Variants in OSBP2 observed in about 807,000 individuals in gnomAD.
The protein encoded by OSBP2 is oxysterol-binding protein 2.
A neutral mutation model predicts 96.0 loss-of-function variants in OSBP2; 66 were observed. That is an observed-to-expected ratio of 0.69 (90% CI 0.56 to 0.84). OSBP2 has a LOEUF of 0.84. Among genes scored for constraint, OSBP2 ranks in the 40% least tolerant of loss-of-function variants. The pLI is 0.00. For synonymous variants in OSBP2, 525 were observed against 520.9 expected (o/e 1.01, Z -0.11); for missense variants, 1,038 against 1,222.7 (o/e 0.85, Z 2.25).
At chr22:30,860,505 C>T (rs1475841542) in intron 2 of OSBP2, among the ~76,000 whole-genome samples, 10 of 152,342 alleles carry the variant, frequency 6.6e-5, no homozygotes, top group South Asian at 4.1e-4. Context: ...AGGCTCACTT[C>T]GCGCCAGAGG....
chr22:30,896,164 G>A (rs2040063319), intron 12 of OSBP2, among the ~76,000 whole-genome samples: 1 of 151,506 alleles, frequency 6.6e-6, no homozygotes, highest in South Asian at 2.1e-4. Context: ...AGATTACAGG[G>A]GCATGCTACT....
Position 30,778,305 on chromosome 22 carries a change from A to G in OSBP2, c.853+36936A>G, listed in dbSNP as rs866879131. On this transcript the variant is annotated intron_variant, in intron 2 of 13. Coordinates refer to ENST00000332585, the MANE Select transcript of OSBP2 (RefSeq NM_030758.4). The stretch of plus-strand genomic sequence containing the variant: ...GCTCATACTGCCCGTGTGCATGTGC[A>G]CACACACACACACACACACACACAC... Among the ~76,000 whole-genome samples the G allele has an allele frequency of 5.1e-3, 657 of 129,252 alleles. 7 individuals are homozygous for G. Among genetic ancestry groups the G allele is most frequent in the African/African-American group, 0.023 (616 of 27,208 alleles). The allele number at this position is 129,252 out of a possible 152,430, so 84.8% of individuals were successfully genotyped here.
At chr22:30,862,980 A>AAAAG in intron 2 of OSBP2, among the ~76,000 whole-genome samples, 1 of 150,958 alleles carries the variant, frequency 6.6e-6, no homozygotes, top group East Asian at 1.9e-4. Flanking sequence ...AAAAAAAGAA[A>AAAAG]AAAAGAAAAA....
At chr22:30,827,902 A>C (rs2038437131) in intron 2 of OSBP2, among the ~76,000 whole-genome samples, 1 of 152,222 alleles carries the variant, frequency 6.6e-6, no homozygotes, top group African/African-American at 2.4e-5. Context: ...CTGAGGCTCA[A>C]GGAAGAGAGA....
intron 1 of OSBP2, among the ~76,000 whole-genome samples, chr22:30,704,315 G>C (rs185833065): frequency 6.6e-6 from 1 of 152,264 alleles, no homozygotes; most frequent in Admixed American, 6.5e-5. Flanking sequence ...ACAGCTGCAA[G>C]CTTCCAAGGG....
intron 1 of OSBP2, among the ~76,000 whole-genome samples, chr22:30,716,251 A>G (rs1267085017): frequency 6.6e-6 from 1 of 151,770 alleles, no homozygotes; most frequent in Non-Finnish European, 1.5e-5. Flanking sequence ...CATGTTGGCC[A>G]GGCTGGTCTT....
chr22:30,730,800 A>G (rs1569100615), intron 1 of OSBP2, among the ~76,000 whole-genome samples: 1 of 49,856 alleles, frequency 2.0e-5, no homozygotes, highest in African/African-American at 1.1e-4. Flanking sequence ...ATATATATAT[A>G]TATATATAAT....
chr22:30,763,133 T>C (rs77308949), intron 2 of OSBP2, among the ~76,000 whole-genome samples: 4,098 of 152,272 alleles, frequency 0.027, 162 homozygotes, highest in African/African-American at 0.093. Flanking sequence ...TGAGGATTAG[T>C]TTAGATAATG....
intron 2 of OSBP2, among the ~76,000 whole-genome samples, chr22:30,762,417 G>A (rs982118521): frequency 4.0e-5 from 6 of 151,624 alleles, no homozygotes; most frequent in Admixed American, 2.0e-4. Flanking sequence ...GCGTGGTGGC[G>A]GGCGCCTGTA....
intron 2 of OSBP2, among the ~76,000 whole-genome samples, chr22:30,774,304 T>C (rs2090398907): frequency 6.6e-6 from 1 of 152,312 alleles, no homozygotes; most frequent in Non-Finnish European, 1.5e-5. Flanking sequence ...GGCGAAAGCC[T>C]TGCCTAGGAT....
chr22:30,730,748 C>T (rs1175655367), intron 1 of OSBP2, among the ~76,000 whole-genome samples: 2 of 41,998 alleles, frequency 4.8e-5, no homozygotes, highest in Non-Finnish European at 9.3e-5. Flanking sequence ...CTCTCTCTCT[C>T]TCTCTCTCTC....
intron 1 of OSBP2, among the ~76,000 whole-genome samples, chr22:30,736,264 T>C (rs1031041107): frequency 3.3e-5 from 5 of 152,230 alleles, no homozygotes; most frequent in African/African-American, 4.8e-5. Context: ...TTTATTAGCA[T>C]TGGTTTTCTT....
intron 2 of OSBP2, among the ~76,000 whole-genome samples, chr22:30,814,676 G>A (rs185780192): frequency 9.2e-5 from 14 of 152,092 alleles, no homozygotes; most frequent in East Asian, 5.8e-4. Flanking sequence ...TGATCTGCCC[G>A]CCTTGGCCTC....
chr22:30,713,208 A>G (rs2145689376), intron 1 of OSBP2, among the ~76,000 whole-genome samples: 1 of 151,512 alleles, frequency 6.6e-6, no homozygotes, highest in African/African-American at 2.4e-5. Flanking sequence ...CCACCCTAGT[A>G]GCTGGGACTA....
Position 30,730,731 on chromosome 22 carries a change from T to TCC in OSBP2, c.645-10429_645-10428insCC, listed in dbSNP as rs2089740493. The stretch of plus-strand genomic sequence containing the variant: ...TCGCTGCCCTGTCTCTCTCTCTCTC[T>TCC]CTCTCTCTCTCTCTCTCTCTCTCTC... On this transcript the variant is annotated intron_variant, in intron 1 of 13. Transcript: ENST00000332585. 4.7e-3 allele frequency among the ~76,000 whole-genome samples: 116 copies of TCC among 24,592 alleles called. No homozygotes were observed. In the Admixed American group the frequency reaches 0.054, roughly 11 times the overall value. The allele number at this position is 24,592 out of a possible 152,430, so 16.1% of individuals were successfully genotyped here.
At chr22:30,723,965 T>C (rs771973067) in intron 1 of OSBP2, among the ~76,000 whole-genome samples, 3 of 152,196 alleles carry the variant, frequency 2.0e-5, no homozygotes, top group African/African-American at 7.2e-5. Flanking sequence ...AAATGTCTAA[T>C]GGCATGTATC....
rs911860511 is a variant in OSBP2 at position 30,813,171 on chromosome 22, C to CTT, written c.854-57233_854-57232dup. Among the ~76,000 whole-genome samples the CTT allele has an allele frequency of 7.3e-4, 57 of 78,590 alleles. 3 individuals carry two copies. Among genetic ancestry groups the CTT allele is most frequent in the Non-Finnish European group, 1.0e-3 (40 of 40,038 alleles). The allele number at this position is 78,590 out of a possible 152,430, so 51.6% of individuals were successfully genotyped here. A position where few individuals can be genotyped will look rare whatever the true frequency, so the allele number is the denominator to read the frequency against. ...GCCTGGAGGCTTACGATGTTGCATTCTTTTTTTTTTTTTTTTTTTTTTTTT... is the reference window on the plus strand; with the variant it reads ...GCCTGGAGGCTTACGATGTTGCATTCTTTTTTTTTTTTTTTTTTTTTTTTTTT... On this transcript the variant is annotated intron_variant, in intron 2 of 13. Transcript: ENST00000332585.
intron 1 of OSBP2, among the ~76,000 whole-genome samples, chr22:30,711,502 A>G (rs1036278861): frequency 6.6e-6 from 1 of 152,048 alleles, no homozygotes; most frequent in Non-Finnish European, 1.5e-5. Flanking sequence ...GCACTTTGGT[A>G]GCCAAGGTGG....
chr22:30,874,071 TA>T (rs1489600523), intron 3 of OSBP2, among the ~76,000 whole-genome samples: 1 of 152,134 alleles, frequency 6.6e-6, no homozygotes, highest in African/African-American at 2.4e-5. Flanking sequence ...ACCCTGTCTC[TA>T]CTAAAAATAC....
Sources: allele counts gnomAD v4.1 joint callset (sites outside exome capture counted in the v4.1 genomes callset), GRCh38; gene constraint gnomAD v4.1.1; transcripts MANE v1.5; gene names NCBI Gene and HGNC (gene_info 2026-07-23, HGNC 2026-07-21).